CAMKMT: variants seen among roughly 807,000 people sequenced by gnomAD.
The protein encoded by CAMKMT is CaM KMT.
Under a neutral mutation model 48.0 loss-of-function variants are expected in CAMKMT, and 53 were observed. That is an observed-to-expected ratio of 1.10 (90% confidence interval 0.89 to 1.39). The LOEUF is 1.39. CAMKMT is among the 40% of genes most tolerant of loss of function. The probability of loss-of-function intolerance (pLI) is 0.00; values close to 1 mark genes in which losing one functional copy is unlikely to be tolerated. For missense variants in CAMKMT, 428 were observed against 402.7 expected (o/e 1.06, Z -0.54); for synonymous variants, 165 against 152.3 (o/e 1.08, Z -0.61).
chr2:44,578,103 C>G lies in CAMKMT; in HGVS notation c.377-126180C>G, dbSNP rs370207644. ...CCTTGTGTCAATTTGGTTTCTAGAT[C>G]CAGCTGAAGGGCCCACATGAGAGCT... On this transcript the variant is annotated intron_variant, in intron 3 of 10. Transcript: ENST00000378494. Among the ~76,000 whole-genome samples, 7 of 152,138 alleles carry G rather than the reference C, an allele frequency of 4.6e-5. No individual in the cohort carries two copies. In the East Asian group the frequency reaches 5.8e-4, roughly 13 times the overall value.
intron 3 of CAMKMT, among the ~76,000 whole-genome samples, chr2:44,447,608 C>G (rs1220980379): frequency 6.6e-6 from 1 of 152,194 alleles, no homozygotes; most frequent in Non-Finnish European, 1.5e-5. Flanking sequence ...AACCTGGGAT[C>G]AGTAAGCAAC....
chr2:44,412,286 G>T (rs1387863252), intron 3 of CAMKMT, among the ~76,000 whole-genome samples: 1 of 151,976 alleles, frequency 6.6e-6, no homozygotes, highest in Non-Finnish European at 1.5e-5. Flanking sequence ...GCATATCTTT[G>T]ACACAAATTG....
At chr2:44,417,951 G>T (rs1683674611) in intron 3 of CAMKMT, among the ~76,000 whole-genome samples, 1 of 152,130 alleles carries the variant, frequency 6.6e-6, no homozygotes, top group African/African-American at 2.4e-5. Context: ...CCAGCACTTT[G>T]GGAAGCCGAG....
At chr2:44,646,083 C>A (rs1201974524) in intron 3 of CAMKMT, among the ~76,000 whole-genome samples, 1 of 152,166 alleles carries the variant, frequency 6.6e-6, no homozygotes, top group East Asian at 1.9e-4. Context: ...GAGAAGACAA[C>A]TGATTGTAGA....
intron 7 of CAMKMT, among the ~76,000 whole-genome samples, chr2:44,720,459 A>G (rs1390763696): frequency 1.3e-5 from 2 of 152,182 alleles, no homozygotes; most frequent in African/African-American, 4.8e-5. Flanking sequence ...AGAATTTTAT[A>G]TTGCAGAAGT....
intron 1 of CAMKMT, among the ~76,000 whole-genome samples, chr2:44,367,013 C>T (rs1678665434): frequency 6.6e-6 from 1 of 152,162 alleles, no homozygotes; most frequent in African/African-American, 2.4e-5. Flanking sequence ...GTGTGAGCCA[C>T]CATGCCCGGC....
chr2:44,549,446 A>G, intron 3 of CAMKMT: 2 of 654,496 alleles, frequency 3.1e-6, no homozygotes, highest in Admixed American at 4.8e-5. Flanking sequence ...CAGCAGGAAG[A>G]CTCAGTTTTT....
chr2:44,466,400 T>G (rs983804653), intron 3 of CAMKMT, among the ~76,000 whole-genome samples: 1 of 152,094 alleles, frequency 6.6e-6, no homozygotes, highest in Non-Finnish European at 1.5e-5. Flanking sequence ...AAATATGTGG[T>G]GATTAATCAA....
chr2:44,428,398 C>A (rs1291825871), intron 3 of CAMKMT, among the ~76,000 whole-genome samples: 1 of 152,202 alleles, frequency 6.6e-6, no homozygotes, highest in African/African-American at 2.4e-5. Flanking sequence ...CTCTGTTGTG[C>A]TGCCCTGCTC....
intron 3 of CAMKMT, among the ~76,000 whole-genome samples, chr2:44,532,297 A>G (rs1429043669): frequency 6.6e-6 from 1 of 152,368 alleles, no homozygotes; most frequent in East Asian, 1.9e-4. Flanking sequence ...TATATGGATT[A>G]TGTTGACAAA....
chr2:44,464,505 T>C (rs1474969680), intron 3 of CAMKMT, among the ~76,000 whole-genome samples: 2 of 152,184 alleles, frequency 1.3e-5, no homozygotes, highest in Non-Finnish European at 2.9e-5. Context: ...ACTGTAGATA[T>C]GATGAATCAG....
At chr2:44,422,788 T>A (rs1684018975) in intron 3 of CAMKMT, among the ~76,000 whole-genome samples, 1 of 152,168 alleles carries the variant, frequency 6.6e-6, no homozygotes, top group East Asian at 1.9e-4. Flanking sequence ...CAAAGTTTTG[T>A]CTCCCAGTTG....
chr2:44,743,748 G>T (rs372495666), intron 8 of CAMKMT, 52 bp downstream of exon 8: 106 of 1,426,730 alleles, frequency 7.4e-5, no homozygotes, highest in Middle Eastern at 5.5e-4. Flanking sequence ...AGCTTTGCTG[G>T]AGTAATTGGG....
At chr2:44,538,835 C>G (rs1272829996) in intron 3 of CAMKMT, among the ~76,000 whole-genome samples, 2 of 152,062 alleles carry the variant, frequency 1.3e-5, no homozygotes, top group African/African-American at 4.8e-5. Context: ...CATTTACTTA[C>G]ACTTGTATGC....
chr2:44,380,532 C>T (rs139335445), intron 2 of CAMKMT, among the ~76,000 whole-genome samples: 10 of 151,880 alleles, frequency 6.6e-5, no homozygotes, highest in South Asian at 2.1e-4. Flanking sequence ...GTAGACTTGA[C>T]GCTTGAATAA....
chr2:44,705,411 T>C (rs1677498848), intron 4 of CAMKMT: 4 of 985,304 alleles, frequency 4.1e-6, no homozygotes, highest in Non-Finnish European at 4.8e-6. Context: ...GCTGCAGAGC[T>C]GCCCTGGAAG....
chr2:44,566,385 T>C (rs1268140158), intron 3 of CAMKMT, among the ~76,000 whole-genome samples: 1 of 152,232 alleles, frequency 6.6e-6, no homozygotes, highest in African/African-American at 2.4e-5. Context: ...AGCTTATTGT[T>C]GTATTACAAA....
intron 3 of CAMKMT, among the ~76,000 whole-genome samples, chr2:44,632,757 T>C (rs977691860): frequency 1.6e-4 from 25 of 152,126 alleles, no homozygotes; most frequent in African/African-American, 6.0e-4. Flanking sequence ...CAGCTCCCAG[T>C]GTGGCTAGAA....
At position 44,702,307 on chromosome 2, in the gene CAMKMT, C is replaced by G. The variant is rs116726063; in HGVS notation, c.377-1976C>G. 7.6e-3 allele frequency among the ~76,000 whole-genome samples: 1,160 copies of G among 152,164 alleles called. 15 individuals carry two copies. Among genetic ancestry groups the G allele is most frequent in the African/African-American group, 0.027 (1,103 of 41,520 alleles). ...GGTATTAGGATTTGCAGTAACAGGT[C>G]AAAATGGTTTTCCATTTTTCTGGTT... On this transcript the variant is annotated intron_variant, in intron 3 of 10. Transcript: ENST00000378494.
Sources: gnomAD v4.1 joint callset for allele counts (sites outside exome capture counted in the v4.1 genomes callset) on GRCh38, gnomAD v4.1.1 for gene constraint, MANE v1.5 for transcripts, NCBI Gene and HGNC (gene_info 2026-07-23, HGNC 2026-07-21) for gene names.